GSG1L: variants seen among roughly 807,000 people sequenced by gnomAD.
GSG1L encodes germ cell-specific gene 1-like protein.
A neutral mutation model predicts 42.1 loss-of-function variants in GSG1L; 24 were observed. The observed-to-expected ratio is 0.57, with a 90% CI of 0.41 to 0.80. The LOEUF is 0.80. Among genes scored for constraint, GSG1L ranks in the 30% least tolerant of loss-of-function variants. The pLI is 0.00. For synonymous variants in GSG1L, 215 were observed against 203.5 expected, an observed-to-expected ratio of 1.06 and a Z score of -0.48; for missense variants, 445 against 472.2, an observed-to-expected ratio of 0.94 and a Z score of 0.53.
rs751722305 is a variant in GSG1L at position 28,051,508 on chromosome 16, C to T, written c.349+11568G>A. 1.6e-3 allele frequency among the ~76,000 whole-genome samples: 192 copies of T among 118,076 alleles called. 1 individual carries two copies. Among genetic ancestry groups the T allele is most frequent in the Non-Finnish European group, 2.3e-3 (124 of 53,238 alleles). 77.5% of individuals were successfully genotyped at this position (118,076 alleles called of 152,430 possible). ...GCATGTCAGGTAGGGGGAAGTGTTA[C>T]GAAAAAAAAAAAAAAACAAGCTGCG... is the stretch of plus-strand genomic sequence containing the variant. On this transcript the variant is annotated intron_variant, in intron 1 of 6. Transcript: ENST00000447459.
At position 27,828,665 on chromosome 16, in the gene GSG1L, C is replaced by A. The variant is rs1049045961; in HGVS notation, c.830+124G>T. 6 of 863,084 alleles carry A rather than the reference C, an allele frequency of 7.0e-6. No individual in the cohort carries two copies. The East Asian group carries it at 7.5e-5, about 11-fold the overall frequency. 53.5% of individuals were successfully genotyped at this position (863,084 alleles called of 1,614,324 possible). A position where few individuals can be genotyped will look rare whatever the true frequency, so the allele number is the denominator to read the frequency against. On this transcript the variant is annotated intron_variant, in intron 5 of 6. Transcript: ENST00000447459. The stretch of plus-strand genomic sequence containing the variant: ...CAAACTCTGCCTTCTTCTGCCTCCC[C>A]CCTCCATAACCCCTCTGTCATACCA...
intron 2 of GSG1L, among the ~76,000 whole-genome samples, chr16:27,933,151 T>G (rs1291647644): frequency 6.6e-6 from 1 of 151,878 alleles, no homozygotes; most frequent in African/African-American, 2.4e-5. Context: ...GTTGCCAGTA[T>G]GGAAGGGAGG....
chr16:28,038,932 G>C (rs1488525719), intron 1 of GSG1L, among the ~76,000 whole-genome samples: 8 of 152,180 alleles, frequency 5.3e-5, no homozygotes, highest in South Asian at 2.1e-4. Flanking sequence ...GGCTCTATCA[G>C]ATCCACAGAG....
At chr16:27,823,956 G>T (rs189484205) in intron 5 of GSG1L, 3 of 702,610 alleles carry the variant, frequency 4.3e-6, no homozygotes, top group Non-Finnish European at 7.8e-6. Context: ...ACATAGAAAG[G>T]CATCGCAGAA....
At chr16:28,020,587 G>C (rs2085831298) in intron 1 of GSG1L, among the ~76,000 whole-genome samples, 1 of 152,134 alleles carries the variant, frequency 6.6e-6, no homozygotes, top group South Asian at 2.1e-4. Flanking sequence ...GTGACCCCTG[G>C]TGAGCTTCAT....
At position 27,865,568 on chromosome 16, in the gene GSG1L, TATATACACACAC is replaced by T. The variant is rs1426741588; in HGVS notation, c.550+18906_550+18917del. Among the ~76,000 whole-genome samples the T allele has an allele frequency of 1.8e-3, 37 of 20,860 alleles. 1 individual carries two copies. Among genetic ancestry groups the T allele is most frequent in the African/African-American group, 0.011 (35 of 3,216 alleles). The allele number at this position is 20,860 out of a possible 152,430, so 13.7% of individuals were successfully genotyped here. On this transcript the variant is annotated intron_variant, in intron 3 of 6. Coordinates refer to ENST00000447459, the MANE Select transcript of GSG1L (RefSeq NM_001109763.2). ...ATATATATATATATATATATATATA[TATATACACACAC>T]ACATACATACATACACACACATATA...
intron 2 of GSG1L, among the ~76,000 whole-genome samples, chr16:27,939,104 A>G (rs868186855): frequency 2.0e-5 from 3 of 152,160 alleles, no homozygotes; most frequent in Non-Finnish European, 4.4e-5. Context: ...GCTCAAGGGT[A>G]GCAAACATTC....
In GSG1L at chr16:27,947,601, A is replaced by AAAG. The variant is rs1411167304; in HGVS notation, c.397+15554_397+15555insCTT. Among the ~76,000 whole-genome samples, 269 of 127,100 alleles carry AAAG rather than the reference A, an allele frequency of 2.1e-3. 5 individuals carry two copies. The highest frequency in any genetic ancestry group is 7.0e-3 in the African/African-American group (237 of 33,726). 83.4% of individuals were successfully genotyped at this position (127,100 alleles called of 152,430 possible). The stretch of plus-strand genomic sequence containing the variant: ...AGAAAGAAAGAAAGAAAGAAAGAAA[A>AAAG]AGAAAGAAAGAAAAAGAAAAGTTCT... On this transcript the variant is annotated intron_variant, in intron 2 of 6. Coordinates refer to ENST00000447459, the MANE Select transcript of GSG1L (RefSeq NM_001109763.2).
chr16:27,903,901 C>T (rs1049583215), intron 2 of GSG1L, among the ~76,000 whole-genome samples: 2 of 152,120 alleles, frequency 1.3e-5, no homozygotes, highest in African/African-American at 4.8e-5. Context: ...TGTACAATGG[C>T]CGTTAACTCC....
chr16:27,827,787 C>A (rs941254024), intron 5 of GSG1L, among the ~76,000 whole-genome samples: 2 of 152,038 alleles, frequency 1.3e-5, no homozygotes, highest in African/African-American at 4.8e-5. Flanking sequence ...CTCATCTATA[C>A]CTCTGCCTAT....
intron 3 of GSG1L, among the ~76,000 whole-genome samples, chr16:27,870,135 G>T (rs753786099): frequency 1.9e-5 from 2 of 105,482 alleles, no homozygotes; most frequent in African/African-American, 7.8e-5. Flanking sequence ...CTGTCTCTGT[G>T]TCTCTCCATC....
intron 4 of GSG1L, among the ~76,000 whole-genome samples, chr16:27,830,619 G>A (rs1031021900): frequency 3.9e-5 from 6 of 152,070 alleles, no homozygotes; most frequent in Admixed American, 6.5e-5. Context: ...ATATCAGCCC[G>A]GCCCCTCTAA....
intron 3 of GSG1L, among the ~76,000 whole-genome samples, chr16:27,881,692 T>C (rs1441230049): frequency 6.6e-6 from 1 of 152,182 alleles, no homozygotes; most frequent in Non-Finnish European, 1.5e-5. Flanking sequence ...GCTAATTTTA[T>C]GTTAGAAAAA....
intron 2 of GSG1L, among the ~76,000 whole-genome samples, chr16:27,904,007 C>T (rs555686196): frequency 1.3e-5 from 2 of 152,286 alleles, no homozygotes; most frequent in East Asian, 3.9e-4. Flanking sequence ...GTGCCAGGCA[C>T]ACTCTTGCCT....
intron 6 of GSG1L, among the ~76,000 whole-genome samples, chr16:27,802,559 T>C (rs1184253271): frequency 6.6e-6 from 1 of 151,960 alleles, no homozygotes; most frequent in Non-Finnish European, 1.5e-5. Flanking sequence ...ATTTGGAAAG[T>C]CTCTGGGGGC....
At chr16:27,914,275 A>G (rs1050283762) in intron 2 of GSG1L, among the ~76,000 whole-genome samples, 1 of 151,922 alleles carries the variant, frequency 6.6e-6, no homozygotes, top group Non-Finnish European at 1.5e-5. Context: ...TTATACCAGC[A>G]AAAAGACTGG....
At chr16:27,845,773 T>C (rs2083436172) in intron 3 of GSG1L, among the ~76,000 whole-genome samples, 1 of 152,242 alleles carries the variant, frequency 6.6e-6, no homozygotes, top group South Asian at 2.1e-4. Flanking sequence ...CTTCTTTGAA[T>C]GTCTGTATCA....
At chr16:27,921,746 G>T (rs187063464) in intron 2 of GSG1L, among the ~76,000 whole-genome samples, 1 of 152,170 alleles carries the variant, frequency 6.6e-6, no homozygotes, top group Admixed American at 6.5e-5. Context: ...CTTTGTGTTG[G>T]TTTCTTTTCC....
At chr16:28,009,633 T>G (rs1446229974) in intron 1 of GSG1L, among the ~76,000 whole-genome samples, 1 of 152,186 alleles carries the variant, frequency 6.6e-6, no homozygotes, top group African/African-American at 2.4e-5. Context: ...CAGGCAAGGC[T>G]CACCATGGAA....
Sources: allele counts gnomAD v4.1 joint callset (sites outside exome capture counted in the v4.1 genomes callset), GRCh38; gene constraint gnomAD v4.1.1; transcripts MANE v1.5; gene names NCBI Gene and HGNC (gene_info 2026-07-23, HGNC 2026-07-21).